Variants in GJA1 observed in about 807,000 individuals in gnomAD.
GJA1 encodes the protein gap junction protein alpha 1, also known as gap junction alpha-1 protein.
Under a neutral mutation model 31.0 loss-of-function variants are expected in GJA1, and 9 were observed. That is an observed-to-expected ratio of 0.29 (90% CI 0.17 to 0.51). The LOEUF is 0.51. GJA1 is among the 20% of genes least tolerant of loss of function. The probability of loss-of-function intolerance (pLI) is 0.98; values close to 1 mark genes in which losing one functional copy is unlikely to be tolerated. For missense variants in GJA1, 278 were observed against 468.8 expected, an observed-to-expected ratio of 0.59 and a Z score of 3.76; for synonymous variants, 186 against 180.1, an observed-to-expected ratio of 1.03 and a Z score of -0.26.
chr6:121,446,782 C>A, intron 1 of GJA1, 50 bp from the exon 2 acceptor site: 2 of 1,102,262 alleles, frequency 1.8e-6, no homozygotes, highest in Non-Finnish European at 2.8e-6. Context: ...AAATGTTAAA[C>A]TAGTAATTTG....
intron 1 of GJA1, among the ~76,000 whole-genome samples, chr6:121,441,075 T>A (rs1465175386): frequency 6.6e-6 from 1 of 152,166 alleles, no homozygotes; most frequent in Non-Finnish European, 1.5e-5. Flanking sequence ...CCCGAGTAGC[T>A]GGGACTACAG....
At chr6:121,441,325 A>G (rs1350233006) in intron 1 of GJA1, among the ~76,000 whole-genome samples, 1 of 151,638 alleles carries the variant, frequency 6.6e-6, no homozygotes, top group Non-Finnish European at 1.5e-5. Flanking sequence ...TTGACCTCAG[A>G]TGATCCTCCC....
At chr6:121,443,153 A>C (rs1046914855) in intron 1 of GJA1, among the ~76,000 whole-genome samples, 1 of 152,162 alleles carries the variant, frequency 6.6e-6, no homozygotes, top group African/African-American at 2.4e-5. Context: ...CTTACCATAC[A>C]AGACTTGGAA....
intron 1 of GJA1, among the ~76,000 whole-genome samples, chr6:121,446,281 G>A (rs537079987): frequency 4.8e-5 from 7 of 147,260 alleles, no homozygotes; most frequent in East Asian, 2.0e-4. Context: ...GGCAACAAGA[G>A]GGAAACACCA....
intron 1 of GJA1, among the ~76,000 whole-genome samples, chr6:121,439,115 T>G (rs1180353167): frequency 6.6e-6 from 1 of 152,050 alleles, no homozygotes; most frequent in Non-Finnish European, 1.5e-5. Context: ...CTGAGCAACA[T>G]AGCAAGACCC....
At chr6:121,437,461 G>A (rs77444371) in intron 1 of GJA1, among the ~76,000 whole-genome samples, 8,550 of 150,234 alleles carry the variant, frequency 0.057, 383 homozygotes, top group East Asian at 0.21. Context: ...AATTGCACTT[G>A]CAACTCCCCT....
At position 121,447,372 on chromosome 6, in the gene GJA1, C is replaced by A; in HGVS notation, c.525C>A (p.Tyr175Ter). The A allele has an allele frequency of 6.2e-7, 1 of 1,613,910 alleles. No homozygotes were observed. The highest frequency in any genetic ancestry group is 8.5e-7 in the Non-Finnish European group (1 of 1,179,846). Residue 175 changes from tyrosine to a stop codon, truncating the protein, a stop_gained, in exon 2 of 2, where the codon TAC becomes TAA. Transcript: ENST00000282561. LOFTEE classifies it high-confidence loss of function. ...FEVAFLLIQW[Y>*]IYGFSLSAVY... ...TGGCCTTCTTGCTGATCCAGTGGTA[C>A]ATCTATGGATTCAGCTTGAGTGCTG...
chr6:121,443,595 A>AT (rs1275935919), intron 1 of GJA1, among the ~76,000 whole-genome samples: 1 of 152,150 alleles, frequency 6.6e-6, no homozygotes, highest in African/African-American at 2.4e-5. Flanking sequence ...TGTATCATGA[A>AT]TTTTTTTATA....
chr6:121,445,392 G>T (rs947023926), intron 1 of GJA1, among the ~76,000 whole-genome samples: 1 of 152,082 alleles, frequency 6.6e-6, no homozygotes, highest in Admixed American at 6.5e-5. Flanking sequence ...TGATCCACCC[G>T]CCTCCCAAAG....
chr6:121,441,660 C>G (rs1773793813), intron 1 of GJA1, among the ~76,000 whole-genome samples: 2 of 152,208 alleles, frequency 1.3e-5, no homozygotes, highest in South Asian at 4.1e-4. Flanking sequence ...GTGAGACCTG[C>G]AACAAGTGAG....
intron 1 of GJA1, among the ~76,000 whole-genome samples, chr6:121,444,833 A>G (rs900101320): frequency 6.6e-6 from 1 of 152,192 alleles, no homozygotes; most frequent in Non-Finnish European, 1.5e-5. Flanking sequence ...TGTGCTGAAA[A>G]TTAGCCTATA....
chr6:121,447,828 C>T lies in GJA1; in HGVS notation c.981C>T (p.Ile327=), dbSNP rs778383309. 1 of 1,613,780 alleles carries T rather than the reference C, an allele frequency of 6.2e-7. No homozygotes were observed. The change falls in exon 2 of 2, where the codon ATC becomes ATT. Residue 327 remains isoleucine (I), a synonymous_variant. Transcript: ENST00000282561. ...QNRMGQAGST[I]SNSHAQPFDF... is the part of the protein sequence containing the mutation. ...GAATGGGGCAGGCGGGAAGCACCAT[C>T]TCTAACTCCCATGCACAGCCTTTTG... is the stretch of plus-strand genomic sequence containing the variant.
chr6:121,442,550 G>T (rs994569310), intron 1 of GJA1, among the ~76,000 whole-genome samples: 2 of 152,148 alleles, frequency 1.3e-5, no homozygotes, highest in African/African-American at 4.8e-5. Flanking sequence ...TGTTCCTTCT[G>T]CTTTCCTGAC....
At chr6:121,446,102 C>T (rs753760756) in intron 1 of GJA1, among the ~76,000 whole-genome samples, 7 of 151,992 alleles carry the variant, frequency 4.6e-5, no homozygotes, top group Non-Finnish European at 7.4e-5. Context: ...TCGAGACCAG[C>T]CTGAGCAACA....
intron 1 of GJA1, among the ~76,000 whole-genome samples, chr6:121,441,714 G>C (rs1165342011): frequency 6.6e-6 from 1 of 152,122 alleles, no homozygotes; most frequent in Non-Finnish European, 1.5e-5. Flanking sequence ...AAACCAAGCT[G>C]ATTGTTGGTT....
intron 1 of GJA1, among the ~76,000 whole-genome samples, chr6:121,438,819 C>T (rs1348763885): frequency 6.6e-6 from 1 of 151,458 alleles, no homozygotes; most frequent in Non-Finnish European, 1.5e-5. Context: ...TTTTTAAATT[C>T]TTAGCATAAT....
At chr6:121,446,697 C>T (rs777011269) in intron 1 of GJA1, 135 bp from the exon 2 acceptor site, 27 of 735,086 alleles carry the variant, frequency 3.7e-5, no homozygotes, top group Non-Finnish European at 6.5e-5. Context: ...AGAGTTTGCA[C>T]TTGGTTTTTT....
intron 1 of GJA1, among the ~76,000 whole-genome samples, chr6:121,437,443 T>C (rs976424102): frequency 6.6e-6 from 1 of 151,908 alleles, no homozygotes; most frequent in Non-Finnish European, 1.5e-5. Context: ...CCTTGGGAAT[T>C]GTGCTTAAAT....
At chr6:121,436,910 T>C (rs1367487848) in intron 1 of GJA1, among the ~76,000 whole-genome samples, 1 of 152,264 alleles carries the variant, frequency 6.6e-6, no homozygotes, top group Non-Finnish European at 1.5e-5. Flanking sequence ...ACACCCATTC[T>C]GTTCATCAGA....
Sources: gnomAD v4.1 joint callset for allele counts (sites outside exome capture counted in the v4.1 genomes callset) on GRCh38, gnomAD v4.1.1 for gene constraint, MANE v1.5 for transcripts, NCBI Gene and HGNC (gene_info 2026-07-23, HGNC 2026-07-21) for gene names.